MYO3A: variants seen among roughly 807,000 people sequenced by gnomAD.
The protein encoded by MYO3A is myosin IIIA, also known as myosin-IIIa.
In MYO3A, 180 loss-of-function variants were observed where a neutral mutation model predicts 192.7. That is an observed-to-expected ratio of 0.93 (90% CI 0.83 to 1.06). The LOEUF is 1.06. Among genes scored for constraint, MYO3A ranks in the 50% least tolerant of loss-of-function variants. The probability of loss-of-function intolerance (pLI) is 0.00; values close to 1 mark genes in which losing one functional copy is unlikely to be tolerated. For missense variants in MYO3A, 1,896 were observed against 1,905.0 expected, an observed-to-expected ratio of 1.00 and a Z score of 0.09; for synonymous variants, 628 against 645.3, an observed-to-expected ratio of 0.97 and a Z score of 0.41.
intron 30 of MYO3A, among the ~76,000 whole-genome samples, 185 bp downstream of exon 30, chr10:26,174,742 C>A (rs558073208): frequency 6.6e-6 from 1 of 151,984 alleles, no homozygotes; most frequent in African/African-American, 2.4e-5. Context: ...CCCAATTTAC[C>A]GTGGTAACAA....
chr10:26,064,019 G>A (rs192673936), intron 10 of MYO3A, among the ~76,000 whole-genome samples: 130 of 152,256 alleles, frequency 8.5e-4, no homozygotes, highest in African/African-American at 3.1e-3. Context: ...TGTCTTACTA[G>A]TACCATAAAA....
rs570613756 is a variant in MYO3A at position 26,136,116 on chromosome 10, G to T, written c.2263-7332G>T. ...TATATCACATCCTCTCCAGTGATCT[G>T]TACAAAGACAGCATCACAAACCCAG... On this transcript the variant is annotated intron_variant, in intron 20 of 34. Coordinates refer to ENST00000642920, the MANE Select transcript of MYO3A (RefSeq NM_017433.5). Among the ~76,000 whole-genome samples, 4 of 152,152 alleles carry T rather than the reference G, an allele frequency of 2.6e-5. No individual in the cohort carries two copies. The East Asian group carries it at 7.7e-4, about 29-fold the overall frequency.
intron 14 of MYO3A, among the ~76,000 whole-genome samples, chr10:26,077,071 G>A (rs12266221): frequency 0.3 from 44,971 of 151,550 alleles, 7,118 homozygotes; most frequent in Middle Eastern, 0.43. Flanking sequence ...CATTGAAGTT[G>A]TAGATTGCTT....
chr10:26,062,530 A>AAAAAAACAAAAAAAACACAAAAAAACG (rs1554816581), intron 10 of MYO3A, among the ~76,000 whole-genome samples: 1 of 125,946 alleles, frequency 7.9e-6, no homozygotes, highest in Non-Finnish European at 1.7e-5. Context: ...AAAAAAAAAA[A>AAAAAAACAAAAAAAACACAAAAAAACG]AAATTATGGA....
At chr10:26,111,463 T>A (rs537459167) in intron 17 of MYO3A, among the ~76,000 whole-genome samples, 1 of 152,130 alleles carries the variant, frequency 6.6e-6, no homozygotes, top group African/African-American at 2.4e-5. Context: ...CCCTACCCTT[T>A]CCTAGGCATG....
At chr10:26,121,761 C>T (rs1838872636) in intron 18 of MYO3A, among the ~76,000 whole-genome samples, 1 of 152,152 alleles carries the variant, frequency 6.6e-6, no homozygotes, top group African/African-American at 2.4e-5. Flanking sequence ...AAAACACACA[C>T]ACACACAAAA....
chr10:26,163,215 C>T (rs4749093), intron 26 of MYO3A, among the ~76,000 whole-genome samples: 103,318 of 152,128 alleles, frequency 0.68, 35,290 homozygotes, highest in Middle Eastern at 0.74. Flanking sequence ...GTGTAACCTT[C>T]TCCTCCGACA....
chr10:26,201,422 T>A, intron 33 of MYO3A, 117 bp downstream of exon 33: 2 of 621,536 alleles, frequency 3.2e-6, no homozygotes, highest in Non-Finnish European at 5.2e-6. Flanking sequence ...GGCTCACGCC[T>A]GTAATCCCAG....
intron 31 of MYO3A, among the ~76,000 whole-genome samples, chr10:26,190,812 C>T (rs1209789924): frequency 6.6e-6 from 1 of 152,070 alleles, no homozygotes; most frequent in Non-Finnish European, 1.5e-5. Context: ...TCAAAAACTG[C>T]AATTCCCTTT....
chr10:26,149,727 A>G (rs1840690839), intron 23 of MYO3A, among the ~76,000 whole-genome samples: 1 of 152,186 alleles, frequency 6.6e-6, no homozygotes, highest in Admixed American at 6.5e-5. Flanking sequence ...TAACATATAC[A>G]TTACTGTATA....
intron 20 of MYO3A, among the ~76,000 whole-genome samples, chr10:26,135,759 AG>A (rs1839811121): frequency 6.6e-6 from 1 of 152,140 alleles, no homozygotes; most frequent in South Asian, 2.1e-4. Flanking sequence ...TGAGGTCAGG[AG>A]TTTGAGACCA....
Position 26,157,364 on chromosome 10 carries a change from C to G in MYO3A, c.2848C>G (p.Arg950Gly), listed in dbSNP as rs78316055. 4 of 1,614,082 alleles carry G rather than the reference C, an allele frequency of 2.5e-6. No homozygotes were observed. Among genetic ancestry groups the G allele is most frequent in the East Asian group, 2.2e-5 (1 of 44,874 alleles). ...KMVVGQPHFV[R>G]CIKPNSERQA... ...GGTGGTGGGCCAACCTCATTTTGTC[C>G]GTTGCATCAAACCAAATAGTGAGCG... The change falls in exon 26 of 35, where the codon CGT becomes GGT. Residue 950 changes from arginine to glycine, a missense_variant. By Grantham distance (125) the Arg-to-Gly change is moderately radical. Transcript: ENST00000642920.
chr10:26,066,950 A>G (rs1834885796), intron 10 of MYO3A, 25 bp from the exon 11 acceptor site: 1 of 1,538,644 alleles, frequency 6.5e-7, no homozygotes, highest in Non-Finnish European at 9.0e-7. Context: ...TCAATTCTTA[A>G]ATCAGAAAGC....
Position 26,021,577 on chromosome 10 carries a change from C to T in MYO3A, c.660C>T (p.Ala220=), listed in dbSNP as rs34067308. Residue 220 remains alanine, a synonymous_variant, in exon 8 of 35, where the codon GCC becomes GCT. Transcript: ENST00000642920. ...RCDTWSLGIT[A]IELGDGDPPL... The stretch of plus-strand genomic sequence containing the variant: ...ACACTTGGTCCCTGGGTATCACGGC[C>T]ATTGAGCTGGGTGATGGAGATCCTC... 0.083 allele frequency: 133,619 copies of T among 1,613,882 alleles called. 6,190 individuals carry two copies. Among genetic ancestry groups the T allele is most frequent in the Non-Finnish European group, 0.095 (112,385 of 1,179,842 alleles).
intron 17 of MYO3A, among the ~76,000 whole-genome samples, chr10:26,097,640 C>T (rs574649329): frequency 3.3e-5 from 5 of 151,142 alleles, no homozygotes; most frequent in Non-Finnish European, 7.4e-5. Context: ...TGCAGTGTTT[C>T]GTTTTCTGTC....
intron 23 of MYO3A, among the ~76,000 whole-genome samples, chr10:26,153,220 A>G (rs1446746844): frequency 6.6e-6 from 1 of 152,120 alleles, no homozygotes; most frequent in Non-Finnish European, 1.5e-5. Flanking sequence ...CATTATTCCC[A>G]TTTTATGGAT....
At chr10:26,056,435 A>G (rs1033370083) in intron 10 of MYO3A, among the ~76,000 whole-genome samples, 4 of 152,226 alleles carry the variant, frequency 2.6e-5, no homozygotes, top group African/African-American at 7.2e-5. Context: ...AGAATTTTCC[A>G]AAGTTAACGT....
At chr10:26,110,667 T>C (rs895336633) in intron 17 of MYO3A, among the ~76,000 whole-genome samples, 2 of 152,276 alleles carry the variant, frequency 1.3e-5, no homozygotes, top group African/African-American at 2.4e-5. Flanking sequence ...TTAGAACTTA[T>C]CATGGATACC....
rs1343568997 is a variant in MYO3A, at chr10:26,008,746, G to A, written c.509-8074G>A. On this transcript the variant is annotated intron_variant, in intron 6 of 34. Transcript: ENST00000642920. ...GGAAACAACAGGTGCTGGAGAGGAT[G>A]TGGAGAAATAGGAACACTTTCACAC... Among the ~76,000 whole-genome samples the A allele has an allele frequency of 8.6e-5, 13 of 151,698 alleles. No homozygotes were observed. The East Asian group carries it at 2.5e-3, about 29-fold the overall frequency.
Sources: allele counts gnomAD v4.1 joint callset (sites outside exome capture counted in the v4.1 genomes callset), GRCh38; gene constraint gnomAD v4.1.1; transcripts MANE v1.5; gene names NCBI Gene and HGNC (gene_info 2026-07-23, HGNC 2026-07-21).